Variants in CIC observed in about 807,000 individuals in gnomAD.
CIC encodes protein capicua homolog.
In CIC, 18 loss-of-function variants were observed where a neutral mutation model predicts 115.7. That is an observed-to-expected ratio of 0.16 (90% CI 0.11 to 0.23). CIC has a LOEUF of 0.23. Ranked by LOEUF, CIC falls within the 10% of genes least tolerant of loss-of-function variation. The probability of loss-of-function intolerance (pLI) is 1.00; values close to 1 mark genes in which losing one functional copy is unlikely to be tolerated. For missense variants in CIC, 2,000 were observed against 2,159.3 expected (o/e 0.93, Z 1.46); for synonymous variants, 1,076 against 923.0 (o/e 1.17, Z -3.01).
intron 2 of CIC, chr19:42,284,438 C>T (rs2037455804): frequency 6.9e-6 from 1 of 144,184 alleles, no homozygotes; most frequent in African/African-American, 2.5e-5. Flanking sequence ...GGCCCCCGCG[C>T]GCGCCGGGGG....
Position 42,269,994 on chromosome 19 carries a change from C to T in CIC, c.-11+613C>T, listed in dbSNP as rs551146323. Among the ~76,000 whole-genome samples the T allele has an allele frequency of 2.0e-5, 3 of 152,058 alleles. No homozygotes were observed. In the South Asian group the frequency reaches 6.2e-4, roughly 32 times the overall value. On this transcript the variant is annotated intron_variant, in intron 1 of 20. Coordinates refer to ENST00000681038, the MANE Select transcript of CIC (RefSeq NM_001386298.1). The stretch of plus-strand genomic sequence containing the variant: ...GTGGGAGTTATTCAGACAGGGTGGA[C>T]AGGAAGAGAGTAGGCCCTAGGGGAA...
rs1241495908 is a variant in CIC, at chr19:42,294,082, C to T, written c.6915C>T (p.Asn2305=). Residue 2305 remains asparagine (N), a synonymous_variant, in exon 18 of 21, where the codon AAC becomes AAT. Transcript: ENST00000681038. Reference sequence around the variant, plus strand: ...GCTCTTACCGCAAGAAGAGGAAGAACTCCACGGGTAGGCGAGCATTGGGCA... The same window carrying T: ...GCTCTTACCGCAAGAAGAGGAAGAATTCCACGGGTAGGCGAGCATTGGGCA... The part of the protein sequence containing the change: ...ILGSYRKKRK[N]STDLDSAPED... The T allele has an allele frequency of 2.5e-6, 4 of 1,613,526 alleles. No homozygotes were observed. The highest frequency in any genetic ancestry group is 2.5e-6 in the Non-Finnish European group (3 of 1,180,022).
At chr19:42,285,460 A>G (rs986520622) in intron 2 of CIC, among the ~76,000 whole-genome samples, 2 of 152,150 alleles carry the variant, frequency 1.3e-5, no homozygotes, top group African/African-American at 4.8e-5. Context: ...AGTGCTCTTC[A>G]GTGCTGTCTT....
chr19:42,295,149 C>A lies in CIC; in HGVS notation c.7512C>A (p.Ser2504=), dbSNP rs1193646007. Residue 2504 remains serine (S), a synonymous_variant, in exon 21 of 21, where the codon TCC becomes TCA. Transcript: ENST00000681038. ...QPGWEGAPQP[S]PPPPGPSTAA... ...GCTGGGAGGGGGCTCCCCAGCCCTC[C>A]CCCCCACCCCCAGGTCCCTCCACAG... is the stretch of plus-strand genomic sequence containing the variant. The A allele has an allele frequency of 8.5e-6, 12 of 1,406,264 alleles. No homozygotes were observed. Among genetic ancestry groups the A allele is most frequent in the Non-Finnish European group, 1.1e-5 (12 of 1,062,398 alleles). The allele number at this position is 1,406,264 out of a possible 1,614,324, so 87.1% of individuals were successfully genotyped here.
In CIC at chr19:42,273,975, G is replaced by T; in HGVS notation, c.2192G>T (p.Gly731Val). 1 of 398,852 alleles carries T rather than the reference G, an allele frequency of 2.5e-6. No individual in the cohort carries two copies. Among genetic ancestry groups the T allele is most frequent in the East Asian group, 3.6e-5 (1 of 28,066 alleles). The allele number at this position is 398,852 out of a possible 1,614,324, so 24.7% of individuals were successfully genotyped here. Reference sequence around the variant, plus strand: ...GGGGCCTTGGGGGCCCCTGGCGCAGGGGGTGGAGGAGCCGCCCCAGACTTT... The same window carrying T: ...GGGGCCTTGGGGGCCCCTGGCGCAGTGGGTGGAGGAGCCGCCCCAGACTTT... ...HPGALGAPGAGGGGAAPDFPK... is the reference protein window; with the variant it reads ...HPGALGAPGAVGGGAAPDFPK... The change falls in exon 2 of 21, where the codon GGG becomes GTG. Residue 731 changes from glycine to valine, a missense_variant. This residue lies in a region of CIC where 222 missense variants were observed against 247.7 expected (regional missense o/e 0.90). Transcript: ENST00000681038.
In CIC at chr19:42,293,159, G is replaced by A. The variant is rs777757910; in HGVS notation, c.6400G>A (p.Gly2134Arg). The A allele has an allele frequency of 1.9e-6, 3 of 1,605,732 alleles. No individual in the cohort carries two copies. The Admixed American group carries it at 5.1e-5, about 27-fold the overall frequency. ...EPTAPESELEGQPTPPAPPPL... is the reference protein window; with the variant it reads ...EPTAPESELERQPTPPAPPPL... Reference sequence around the variant, plus strand: ...AACTGCCCCAGAGTCTGAGCTTGAGGGGCAGCCCACACCACCAGCCCCTCC... The same window carrying A: ...AACTGCCCCAGAGTCTGAGCTTGAGAGGCAGCCCACACCACCAGCCCCTCC... Residue 2134 changes from glycine (G) to arginine (R), a missense_variant, in exon 16 of 21, where the codon GGG (glycine) becomes AGG (arginine). Gly to Arg is a moderately radical substitution (Grantham distance 125). This residue lies in a region of CIC where 1,466 missense variants were observed against 1,390.4 expected (regional missense o/e 1.05). Coordinates refer to ENST00000681038, the MANE Select transcript of CIC (RefSeq NM_001386298.1).
At chr19:42,283,022 C>T (rs1177315527) in intron 2 of CIC, among the ~76,000 whole-genome samples, 2 of 152,026 alleles carry the variant, frequency 1.3e-5, no homozygotes, top group East Asian at 1.9e-4. Flanking sequence ...TGAATGATGG[C>T]GGTGGCCACT....
intron 2 of CIC, chr19:42,284,600 TC>T (rs1281986736): frequency 2.0e-5 from 10 of 489,838 alleles, no homozygotes; most frequent in South Asian, 1.6e-4. Flanking sequence ...GGCCTCCCGC[TC>T]CCCCCGGGCC....
rs137944011 is a variant in CIC at position 42,290,457 on chromosome 19, T to C, written c.4416T>C (p.Gly1472=). The part of the protein sequence containing the change: ...GSGTFKAQES[G]QGSTAGPLRP... ...GAACCTTCAAGGCCCAGGAGTCTGG[T>C]CAGGGCAGCACAGCGGGCCCCCTAC... The change falls in exon 11 of 21, where the codon GGT becomes GGC. Residue 1472 remains glycine, a synonymous_variant. Coordinates refer to ENST00000681038, the MANE Select transcript of CIC (RefSeq NM_001386298.1). 2.0e-5 allele frequency: 33 copies of C among 1,613,850 alleles called. No homozygotes were observed. The highest frequency in any genetic ancestry group is 4.0e-5 in the African/African-American group (3 of 74,846).
Position 42,287,488 on chromosome 19 carries a change from C to CA in CIC, c.3309+40dup. 6.2e-7 allele frequency: 1 copy of CA among 1,612,256 alleles called. No homozygotes were observed. Among genetic ancestry groups the CA allele is most frequent in the South Asian group, 1.1e-5 (1 of 91,082 alleles). ...GCCTGTCCTGTGCTCACCCCGTGGC[C>CA]ACCCACACCTGTCTGCCAGGTCCTA... On this transcript the variant is annotated intron_variant, in intron 5 of 20. Coordinates refer to ENST00000681038, the MANE Select transcript of CIC (RefSeq NM_001386298.1). This position sits in a 1 kb window ranked among gnomAD's most constrained non-coding sequence, Gnocchi z 8.7.
rs754754943 is a variant in CIC at position 42,289,165 on chromosome 19, G to A, written c.3862-16G>A. The A allele has an allele frequency of 1.2e-6, 2 of 1,613,160 alleles. No homozygotes were observed. The highest frequency in any genetic ancestry group is 2.2e-5 in the South Asian group (2 of 91,090). On this transcript the variant is annotated splice_polypyrimidine_tract_variant and intron_variant, in intron 8 of 20. Coordinates refer to ENST00000681038, the MANE Select transcript of CIC (RefSeq NM_001386298.1). ...GCAGCAGCCCCGCTGAACCCTCTCT[G>A]CCACCTATCCTGCAGATGGTGTCTG...
chr19:42,288,021 A>G (rs2037779549), intron 7 of CIC, 46 bp downstream of exon 7: 1 of 1,552,762 alleles, frequency 6.4e-7, no homozygotes, highest in East Asian at 2.4e-5. Flanking sequence ...TCCCTCCCCG[A>G]GAGCCACCAG....
At position 42,291,067 on chromosome 19, in the gene CIC, A is replaced by G. The variant is rs776996156; in HGVS notation, c.5026A>G (p.Thr1676Ala). 1 of 1,613,466 alleles carries G rather than the reference A, an allele frequency of 6.2e-7. No homozygotes were observed. ...CACTGTCACTAACCTACTGGTGGGC[A>G]CCCCGGGGTATGGGGCCCCTGCGCC... is the stretch of plus-strand genomic sequence containing the variant. ...PATVTNLLVG[T>A]PGYGAPAPPA... is the part of the protein sequence containing the mutation. The change falls in exon 11 of 21, where the codon ACC becomes GCC. Residue 1676 changes from threonine (T) to alanine (A), a missense_variant. By Grantham distance (58) the Thr-to-Ala change is moderately conservative (BLOSUM62 0). Transcript: ENST00000681038.
chr19:42,276,544 C>T (rs2036984357), intron 2 of CIC, among the ~76,000 whole-genome samples: 1 of 152,166 alleles, frequency 6.6e-6, no homozygotes, highest in African/African-American at 2.4e-5. Context: ...CAGCCCAGGC[C>T]AGTCCCGAGG....
intron 2 of CIC, among the ~76,000 whole-genome samples, chr19:42,278,166 T>C (rs1054137029): frequency 3.9e-5 from 6 of 152,242 alleles, no homozygotes; most frequent in South Asian, 2.1e-4. Flanking sequence ...GTGCATGGCA[T>C]GGCCAGCCAG....
chr19:42,294,436 G>T, intron 19 of CIC, 132 bp downstream of exon 19: 1 of 1,548,146 alleles, frequency 6.5e-7, no homozygotes. Context: ...GTCAGTGGTG[G>T]GTTCTGGAGT....
At position 42,271,878 on chromosome 19, in the gene CIC, G is replaced by A. The variant is rs917252974; in HGVS notation, c.95G>A (p.Arg32Gln). 5.0e-6 allele frequency: 2 copies of A among 398,796 alleles called. No homozygotes were observed. Among genetic ancestry groups the A allele is most frequent in the Admixed American group, 4.4e-5 (1 of 22,726 alleles). 24.7% of individuals were successfully genotyped at this position (398,796 alleles called of 1,614,324 possible). ...PATRAKALRR[R>Q]GAGEGDKPEE... ...ACCAGGGCCAAGGCTCTGAGGCGGC[G>A]AGGGGCTGGGGAGGGTGACAAGCCA... The change falls in exon 2 of 21, where the codon CGA (arginine) becomes CAA (glutamine). Residue 32 changes from arginine to glutamine, a missense_variant. Around this residue, in one of 8 missense-constraint regions of CIC, gnomAD observed 222 missense variants for 247.7 expected, o/e 0.90. Transcript: ENST00000681038.
At chr19:42,274,797 G>T (rs2036907461) in intron 2 of CIC, among the ~76,000 whole-genome samples, 1 of 152,188 alleles carries the variant, frequency 6.6e-6, no homozygotes, top group Non-Finnish European at 1.5e-5. Context: ...CAGAGAACGT[G>T]GTCTCAAGAG....
chr19:42,278,095 C>G (rs1044663898), intron 2 of CIC, among the ~76,000 whole-genome samples: 1 of 152,246 alleles, frequency 6.6e-6, no homozygotes, highest in African/African-American at 2.4e-5. Flanking sequence ...CTGCCCCCAG[C>G]CAGGCATTTG....
Sources: allele counts gnomAD v4.1 joint callset (sites outside exome capture counted in the v4.1 genomes callset), GRCh38; gene constraint gnomAD v4.1.1; regional missense constraint gnomAD v4.1.1; non-coding constraint Gnocchi (gnomAD v3.1); transcripts MANE v1.5; gene names NCBI Gene and HGNC (gene_info 2026-07-23, HGNC 2026-07-21).